TRPV3: variants seen among roughly 807,000 people sequenced by gnomAD.
TRPV3 encodes the protein transient receptor potential cation channel subfamily V member 3.
In TRPV3, 88 loss-of-function variants were observed where a neutral mutation model predicts 87.1. That is an observed-to-expected ratio of 1.01 (90% CI 0.85 to 1.21). The LOEUF is 1.21. Among genes scored for constraint, TRPV3 ranks in the 50% most tolerant of loss-of-function variants. TRPV3 has a pLI of 0.00. For missense variants in TRPV3, 1,054 were observed against 1,030.1 expected, an observed-to-expected ratio of 1.02 and a Z score of -0.32; for synonymous variants, 438 against 423.3, an observed-to-expected ratio of 1.03 and a Z score of -0.43.
chr17:3,518,446 C>T lies in TRPV3; in HGVS notation c.2085+130G>A, dbSNP rs963042073. The T allele has an allele frequency of 5.3e-6, 6 of 1,127,644 alleles. No individual in the cohort carries two copies. In the African/African-American group the frequency reaches 9.5e-5, roughly 18 times the overall value. The allele number at this position is 1,127,644 out of a possible 1,614,324, so 69.9% of individuals were successfully genotyped here. On this transcript the variant is annotated intron_variant, in intron 15 of 17. Coordinates refer to ENST00000576742, the MANE Select transcript of TRPV3 (RefSeq NM_145068.4). This position sits in a 1 kb window ranked among gnomAD's most constrained non-coding sequence, Gnocchi z 4.3. ...AGGCTAAGGCCTCCTCAAACCTGGC[C>T]ACACACTGAGGAGCTTGTGCAGATT...
chr17:3,522,617 G>A (rs909748055), intron 13 of TRPV3, among the ~76,000 whole-genome samples: 1 of 148,460 alleles, frequency 6.7e-6, no homozygotes, highest in Non-Finnish European at 1.5e-5. Flanking sequence ...GTCAAGAGTT[G>A]GAGACCAGCC....
At chr17:3,554,956 C>T in intron 1 of TRPV3, 104 bp from the exon 2 acceptor site, 1 of 654,342 alleles carries the variant, frequency 1.5e-6, no homozygotes, top group East Asian at 2.7e-5. Flanking sequence ...TTCACACTAC[C>T]TGGAACTGGA....
chr17:3,551,936 G>A (rs369660), intron 2 of TRPV3, among the ~76,000 whole-genome samples: 51,404 of 131,728 alleles, frequency 0.39, 11,419 homozygotes, highest in Middle Eastern at 0.55. Flanking sequence ...AGGCTAGAGT[G>A]CAGTGGCACA....
rs752297978 is a variant in TRPV3 at position 3,554,798 on chromosome 17, G to A, written c.53C>T (p.Ala18Val). Residue 18 changes from alanine (A) to valine (V), a missense_variant, in exon 2 of 18, where the codon GCC (alanine) becomes GTC (valine). By Grantham distance (64) the Ala-to-Val change is moderately conservative (BLOSUM62 0). Transcript: ENST00000576742. ...MVPLMGKRVA[A>V]PSGNPAILPE... The stretch of plus-strand genomic sequence containing the variant: ...CAGGATGGCAGGGTTCCCACTGGGG[G>A]CAGCAACTCTCTTGCCCATGAGAGG... 5.6e-6 allele frequency: 9 copies of A among 1,612,738 alleles called. No individual in the cohort carries two copies. The highest frequency in any genetic ancestry group is 7.6e-6 in the Non-Finnish European group (9 of 1,179,526).
At chr17:3,545,353 G>A (rs751070106) in intron 2 of TRPV3, 82 bp from the exon 3 acceptor site, 2 of 1,075,470 alleles carry the variant, frequency 1.9e-6, no homozygotes, top group South Asian at 1.4e-5. Context: ...GCCCCAGAGG[G>A]TGCCCCCATG....
chr17:3,522,112 A>T (rs1411771034), intron 13 of TRPV3, among the ~76,000 whole-genome samples: 2 of 152,314 alleles, frequency 1.3e-5, no homozygotes, highest in African/African-American at 4.8e-5. Flanking sequence ...ATTAAATAAA[A>T]CAAAGACAAT....
chr17:3,542,888 G>C (rs1408387139), intron 5 of TRPV3, among the ~76,000 whole-genome samples, 190 bp from the exon 6 acceptor site: 1 of 151,856 alleles, frequency 6.6e-6, no homozygotes, highest in Non-Finnish European at 1.5e-5. Flanking sequence ...CTGGCTCCTT[G>C]CTCTCTGTGG....
chr17:3,520,997 C>T lies in TRPV3; in HGVS notation c.1786G>A (p.Val596Met), dbSNP rs371683517. 48 of 1,606,438 alleles carry T rather than the reference C, an allele frequency of 3.0e-5. No individual in the cohort carries two copies. The highest frequency in any genetic ancestry group is 3.7e-5 in the Non-Finnish European group (43 of 1,174,644). ...CCTACTCCAAATCCAAGCAAAAACA[C>T]GATATATACAAACAAGAACTTCAGA... is the stretch of plus-strand genomic sequence containing the variant. ...DVLKFLFVYI[V>M]FLLGFGVALA... Residue 596 changes from valine to methionine, a missense_variant, in exon 14 of 18, where the codon GTG (valine) becomes ATG (methionine). Coordinates refer to ENST00000576742, the MANE Select transcript of TRPV3 (RefSeq NM_145068.4).
intron 4 of TRPV3, among the ~76,000 whole-genome samples, chr17:3,543,845 G>A (rs2074492896): frequency 6.6e-6 from 1 of 152,184 alleles, no homozygotes; most frequent in South Asian, 2.1e-4. Context: ...ACATTTGGAT[G>A]CATGAAGTAA....
chr17:3,528,041 C>A lies in TRPV3; in HGVS notation c.1487G>T (p.Cys496Phe). 1.9e-6 allele frequency: 3 copies of A among 1,613,578 alleles called. No individual in the cohort carries two copies. The highest frequency in any genetic ancestry group is 2.5e-6 in the Non-Finnish European group (3 of 1,179,916). ...CCCACTTACCTCTTTCACAGAGATG[C>A]ACATGGCCCAGATGAGCACAAACAT... The part of the protein sequence containing the change: ...GRMFVLIWAM[C>F]ISVKEGIAIF... Residue 496 changes from cysteine to phenylalanine, a missense_variant, in exon 11 of 18, where the codon TGC becomes TTC. Cys to Phe is a radical substitution (Grantham distance 205, BLOSUM62 -2). Transcript: ENST00000576742. The surrounding 1 kb of genome is among the most constrained non-coding windows in gnomAD (Gnocchi z 4.2).
At chr17:3,535,066 C>T (rs2074386085) in intron 7 of TRPV3, among the ~76,000 whole-genome samples, 1 of 152,008 alleles carries the variant, frequency 6.6e-6, no homozygotes, top group Admixed American at 6.5e-5. Flanking sequence ...CCTCCTGCCC[C>T]TCTGGGGCAC....
chr17:3,522,870 T>C (rs538817412), intron 13 of TRPV3, among the ~76,000 whole-genome samples: 1 of 150,922 alleles, frequency 6.6e-6, no homozygotes, highest in African/African-American at 2.4e-5. Context: ...ACTGGCTAAG[T>C]GGAATTTACA....
At chr17:3,515,881 C>T (rs1289506618) in intron 16 of TRPV3, among the ~76,000 whole-genome samples, 2 of 151,666 alleles carry the variant, frequency 1.3e-5, no homozygotes, top group Non-Finnish European at 2.9e-5. Flanking sequence ...ACCATGGAGG[C>T]ACCTCCAAAA....
At chr17:3,524,734 G>A (rs1289863977) in intron 12 of TRPV3, among the ~76,000 whole-genome samples, 1 of 151,512 alleles carries the variant, frequency 6.6e-6, no homozygotes, top group Non-Finnish European at 1.5e-5. Flanking sequence ...CACTTTGGGG[G>A]GCTGAGATAG....
chr17:3,541,767 C>T (rs568057440), intron 6 of TRPV3, among the ~76,000 whole-genome samples: 48 of 152,362 alleles, frequency 3.2e-4, no homozygotes, highest in African/African-American at 1.1e-3. Flanking sequence ...TTGGGGCTTT[C>T]GCCCTGATCC....
At position 3,556,767 on chromosome 17, in the gene TRPV3, C is replaced by G. The variant is rs1456642366; in HGVS notation, c.-3+909G>C. Among the ~76,000 whole-genome samples, 1 of 152,136 alleles carries G rather than the reference C, an allele frequency of 6.6e-6. No homozygotes were observed. The highest frequency in any genetic ancestry group is 1.5e-5 in the Non-Finnish European group (1 of 68,016). On this transcript the variant is annotated intron_variant, in intron 1 of 17. Transcript: ENST00000576742. This position sits in a 1 kb window ranked among gnomAD's most constrained non-coding sequence, Gnocchi z 4.2. ...GTGGAGTAGCCCACAGAGAGGGACTCCTGGGCACCCGGCCCTCCCGTGTCC... is the reference window on the plus strand; with the variant it reads ...GTGGAGTAGCCCACAGAGAGGGACTGCTGGGCACCCGGCCCTCCCGTGTCC...
chr17:3,545,372 A>G (rs1247651583), intron 2 of TRPV3, 101 bp from the exon 3 acceptor site: 2 of 848,144 alleles, frequency 2.4e-6, no homozygotes, highest in African/African-American at 1.7e-5. Context: ...TGCTGAGCAC[A>G]CACCCTGGCC....
At chr17:3,537,714 G>A (rs1215570859) in intron 6 of TRPV3, among the ~76,000 whole-genome samples, 3 of 151,342 alleles carry the variant, frequency 2.0e-5, no homozygotes, top group Non-Finnish European at 4.4e-5. Context: ...GACCAGCCTG[G>A]CCCACATGGA....
Position 3,535,589 on chromosome 17 carries a change from G to A in TRPV3, c.768C>T (p.His256=). Residue 256 remains histidine (H), a synonymous_variant, in exon 7 of 18, where the codon CAC becomes CAT. Coordinates refer to ENST00000576742, the MANE Select transcript of TRPV3 (RefSeq NM_145068.4). The part of the protein sequence containing the change: ...KGAFFNPKYQ[H]EGFYFGETPL... ...GGCACCCACCGAAGTAGAAGCCTTC[G>A]TGTTGGTACTTGGGGTTGAAGAAGG... 6.2e-7 allele frequency: 1 copy of A among 1,605,812 alleles called. No homozygotes were observed. Among genetic ancestry groups the A allele is most frequent in the South Asian group, 1.1e-5 (1 of 90,182 alleles).
Sources: allele counts gnomAD v4.1 joint callset (sites outside exome capture counted in the v4.1 genomes callset), GRCh38; gene constraint gnomAD v4.1.1; non-coding constraint Gnocchi (gnomAD v3.1); transcripts MANE v1.5; gene names NCBI Gene and HGNC (gene_info 2026-07-23, HGNC 2026-07-21).